Variants in ZAN observed in about 807,000 individuals in gnomAD.
The protein encoded by ZAN is zonadhesin (gene/pseudogene).
In ZAN, 260 loss-of-function variants were observed where a neutral mutation model predicts 286.2. The ratio of observed to expected loss-of-function variants is 0.91; its 90% CI spans 0.82 to 1.01. The LOEUF is 1.01. Ranked by LOEUF, ZAN falls within the 50% of genes least tolerant of loss-of-function variation. ZAN has a pLI of 0.00. For synonymous variants in ZAN, 1,368 were observed against 1,417.5 expected, an observed-to-expected ratio of 0.97 and a Z score of 0.79; for missense variants, 3,410 against 3,639.2, an observed-to-expected ratio of 0.94 and a Z score of 1.62.
At chr7:100,778,382 T>C (rs776069168) in intron 34 of ZAN, among the ~76,000 whole-genome samples, 4 of 151,048 alleles carry the variant, frequency 2.6e-5, no homozygotes, top group African/African-American at 9.8e-5. Flanking sequence ...TGTGGGAGGA[T>C]TGCTTGAGCC....
Position 100,792,460 on chromosome 7 carries a change from C to A in ZAN, c.7768C>A (p.Arg2590Ser). The change falls in exon 42 of 48, where the codon CGT (arginine) becomes AGT (serine). Residue 2590 changes from arginine to serine, a missense_variant. Physicochemically the swap from Arg to Ser is moderately radical, Grantham distance 110. Transcript: ENST00000613979. ...AQDPREQEEL[R>S]CQVLSGHGVS... ...GGACCCAAGAGAGCAAGAGGAGCTG[C>A]GTTGCCAGGTCCTCAGTGGGTACGC... 1.2e-6 allele frequency: 2 copies of A among 1,613,858 alleles called. No homozygotes were observed. Among genetic ancestry groups the A allele is most frequent in the Non-Finnish European group, 1.7e-6 (2 of 1,179,866 alleles).
Position 100,752,236 on chromosome 7 carries a change from A to G in ZAN, c.2131A>G (p.Thr711Ala). 1 of 1,610,342 alleles carries G rather than the reference A, an allele frequency of 6.2e-7. No homozygotes were observed. Among genetic ancestry groups the G allele is most frequent in the South Asian group, 1.1e-5 (1 of 90,988 alleles). ...EETIISTEKP[T>A]ISPEKPTIPT... The stretch of plus-strand genomic sequence containing the variant: ...GACTATCATCTCCACAGAAAAACCC[A>G]CCATCTCCCCAGAAAAACCCACCAT... The change falls in exon 14 of 48, where the codon ACC (threonine) becomes GCC (alanine). Residue 711 changes from threonine (T) to alanine (A), a missense_variant. Around this residue, in one of 7 missense-constraint regions of ZAN, gnomAD observed 872 missense variants for 938.9 expected, o/e 0.93. Transcript: ENST00000613979.
intron 6 of ZAN, among the ~76,000 whole-genome samples, chr7:100,737,777 A>G (rs1276510133): frequency 1.5e-5 from 2 of 137,344 alleles, no homozygotes; most frequent in African/African-American, 5.3e-5. Context: ...TAGAGCTATT[A>G]GGGCTTTGAC....
rs1350432663 is a variant in ZAN, at chr7:100,792,042, C to T, written c.7606C>T (p.Pro2536Ser). The T allele has an allele frequency of 1.2e-6, 2 of 1,613,282 alleles. No individual in the cohort carries two copies. Among genetic ancestry groups the T allele is most frequent in the Middle Eastern group, 1.7e-4 (1 of 5,756 alleles). ...RTGLQVSECSPEQLASNSTQA... is the reference protein window; with the variant it reads ...RTGLQVSECSSEQLASNSTQA... ...GGGCCTCCAAGTGTCCGAATGTAGCCCGGAGCAGCTGGCGAGCAACAGCAC... is the reference window on the plus strand; with the variant it reads ...GGGCCTCCAAGTGTCCGAATGTAGCTCGGAGCAGCTGGCGAGCAACAGCAC... The change falls in exon 41 of 48, where the codon CCG becomes TCG. Residue 2536 changes from proline to serine, a missense_variant. Around this residue, in one of 7 missense-constraint regions of ZAN, gnomAD observed 1,289 missense variants for 1,314.3 expected, o/e 0.98. Transcript: ENST00000613979.
chr7:100,748,671 G>A (rs773208983), intron 11 of ZAN, among the ~76,000 whole-genome samples: 26 of 152,234 alleles, frequency 1.7e-4, no homozygotes, highest in Non-Finnish European at 3.7e-4. Context: ...GGGGGTCACT[G>A]AAATCCTGAG....
chr7:100,745,997 G>T (rs980285295), intron 7 of ZAN, among the ~76,000 whole-genome samples: 1 of 152,002 alleles, frequency 6.6e-6, no homozygotes, highest in Non-Finnish European at 1.5e-5. Flanking sequence ...GCCAAGGTGC[G>T]TGGATCATTT....
chr7:100,751,167 C>T lies in ZAN; in HGVS notation c.1522-15C>T. On this transcript the variant is annotated splice_polypyrimidine_tract_variant and intron_variant, in intron 12 of 47. Coordinates refer to ENST00000613979, the MANE Select transcript of ZAN (RefSeq NM_003386.3). ...TTTTGTTTCTCTCTCCGTCTCTCTC[C>T]CTTGTCGCCTTTAGCTTATTTTCAA... 1 of 1,586,922 alleles carries T rather than the reference C, an allele frequency of 6.3e-7. No homozygotes were observed.
chr7:100,759,684 G>A, intron 17 of ZAN, 37 bp from the exon 18 acceptor site: 1 of 1,554,984 alleles, frequency 6.4e-7, no homozygotes. Flanking sequence ...GTTCAGAAAT[G>A]AGCCACTGGG....
intron 13 of ZAN, 85 bp from the exon 14 acceptor site, chr7:100,751,627 G>T: frequency 7.0e-7 from 1 of 1,437,826 alleles, no homozygotes; most frequent in Non-Finnish European, 9.3e-7. Context: ...AGCCACCCAT[G>T]GGAGCCCACT....
chr7:100,792,624 C>A, intron 42 of ZAN, 145 bp downstream of exon 42: 1 of 1,459,612 alleles, frequency 6.9e-7, no homozygotes. Flanking sequence ...ACCATTGCCT[C>A]ATCTCGGGCT....
chr7:100,766,677 A>G lies in ZAN; in HGVS notation c.4612+11A>G. The G allele has an allele frequency of 6.4e-7, 1 of 1,562,746 alleles. No individual in the cohort carries two copies. Among genetic ancestry groups the G allele is most frequent in the South Asian group, 1.2e-5 (1 of 84,680 alleles). Reference sequence around the variant, plus strand: ...GCTGCCATGCCCAAGGTGAGCCATCAGGGTGGAAGGTGAGCTGGGGGCTGC... The same window carrying G: ...GCTGCCATGCCCAAGGTGAGCCATCGGGGTGGAAGGTGAGCTGGGGGCTGC... On this transcript the variant is annotated intron_variant, in intron 24 of 47. Coordinates refer to ENST00000613979, the MANE Select transcript of ZAN (RefSeq NM_003386.3).
intron 41 of ZAN, 74 bp downstream of exon 41, chr7:100,792,222 G>A (rs376739543): frequency 8.0e-6 from 12 of 1,502,398 alleles, no homozygotes; most frequent in African/African-American, 1.4e-5. Context: ...CCTCCTGCCC[G>A]CTTCCTGACC....
chr7:100,795,100 C>A, intron 44 of ZAN, 96 bp from the exon 45 acceptor site: 1 of 1,455,418 alleles, frequency 6.9e-7, no homozygotes, highest in Non-Finnish European at 9.2e-7. Flanking sequence ...GCAGCCGCTG[C>A]TTTCTCCCCG....
At chr7:100,781,652 CT>C (rs5886134) in intron 35 of ZAN, among the ~76,000 whole-genome samples, 1,533 of 128,232 alleles carry the variant, frequency 0.012, 15 homozygotes, top group African/African-American at 0.036. Context: ...CATTGCTATA[CT>C]TTTTTTTTTT....
In ZAN at chr7:100,779,374, C is replaced by T. The variant is rs932281924; in HGVS notation, c.6318-72C>T. On this transcript the variant is annotated intron_variant, in intron 34 of 47. Coordinates refer to ENST00000613979, the MANE Select transcript of ZAN (RefSeq NM_003386.3). ...GCCTGGGTGACAGAGCAAGACTCCC[C>T]CTAAAGAAAAAAAAATTTTGTGTCA... 1.8e-5 allele frequency: 26 copies of T among 1,462,830 alleles called. No individual in the cohort carries two copies. In the African/African-American group the frequency reaches 2.8e-4, roughly 16 times the overall value. 90.6% of individuals were successfully genotyped at this position (1,462,830 alleles called of 1,614,324 possible). A position where few individuals can be genotyped will look rare whatever the true frequency, so the allele number is the denominator to read the frequency against.
chr7:100,787,622 C>T (rs182992038), intron 37 of ZAN, among the ~76,000 whole-genome samples: 5 of 152,180 alleles, frequency 3.3e-5, no homozygotes, highest in Admixed American at 6.6e-5. Flanking sequence ...TGCAGTGGCG[C>T]GATCTCGGCG....
rs199916093 is a variant in ZAN at position 100,776,507 on chromosome 7, T to C, written c.6260T>C (p.Val2087Ala). 1.5e-5 allele frequency: 24 copies of C among 1,584,924 alleles called. No homozygotes were observed. Among genetic ancestry groups the C allele is most frequent in the Non-Finnish European group, 1.7e-5 (20 of 1,165,018 alleles). The change falls in exon 34 of 48, where the codon GTA (valine) becomes GCA (alanine). Residue 2087 changes from valine (V) to alanine (A), a missense_variant. By Grantham distance (64) the Val-to-Ala change is moderately conservative (BLOSUM62 0). This residue lies in a region of ZAN where 1,289 missense variants were observed against 1,314.3 expected (regional missense o/e 0.98). Transcript: ENST00000613979. ...GAACTAATGATGCCCAGCGATGAAG[T>C]AGCAAATAGTGACAGTGAATTTGTG... The part of the protein sequence containing the change: ...EDELMMPSDE[V>A]ANSDSEFVNS...
At chr7:100,749,629 G>A in intron 11 of ZAN, among the ~76,000 whole-genome samples, 1 of 121,404 alleles carries the variant, frequency 8.2e-6, no homozygotes, top group African/African-American at 3.4e-5. Flanking sequence ...GACAGAGTGA[G>A]ACTCCGTCTC....
intron 31 of ZAN, among the ~76,000 whole-genome samples, chr7:100,774,757 T>G (rs1210089692): frequency 6.6e-6 from 1 of 151,744 alleles, no homozygotes. Context: ...GCCCAGGAGT[T>G]TGAGGCTGCA....
Sources: gnomAD v4.1 joint callset for allele counts (sites outside exome capture counted in the v4.1 genomes callset) on GRCh38, gnomAD v4.1.1 for gene constraint, gnomAD v4.1.1 regional missense constraint, MANE v1.5 for transcripts, NCBI Gene and HGNC (gene_info 2026-07-23, HGNC 2026-07-21) for gene names.